Variants in PPP1R1C observed in about 807,000 individuals in gnomAD.
PPP1R1C encodes protein phosphatase 1 regulatory inhibitor subunit 1C.
A neutral mutation model predicts 17.4 loss-of-function variants in PPP1R1C; 15 were observed. The ratio of observed to expected loss-of-function variants is 0.86; its 90% CI spans 0.58 to 1.33. The LOEUF (loss-of-function observed/expected upper bound fraction) is 1.33. PPP1R1C is among the 40% of genes most tolerant of loss of function. PPP1R1C has a pLI of 0.00. For missense variants in PPP1R1C, 143 were observed against 130.0 expected, an observed-to-expected ratio of 1.10 and a Z score of -0.48; for synonymous variants, 35 against 43.1, an observed-to-expected ratio of 0.81 and a Z score of 0.73.
chr2:182,002,937 C>T (rs201320288), intron 2 of PPP1R1C, among the ~76,000 whole-genome samples: 1 of 137,848 alleles, frequency 7.3e-6, no homozygotes, highest in East Asian at 2.1e-4. Flanking sequence ...ACCTCCCCCC[C>T]CCCACAACCC....
intron 2 of PPP1R1C, among the ~76,000 whole-genome samples, chr2:182,039,070 A>T (rs1016675718): frequency 6.6e-6 from 1 of 152,150 alleles, no homozygotes; most frequent in African/African-American, 2.4e-5. Flanking sequence ...GTTCTTCCAC[A>T]CAATTCTAAA....
chr2:182,005,198 TA>T (rs1404668201), intron 2 of PPP1R1C, among the ~76,000 whole-genome samples: 1 of 151,558 alleles, frequency 6.6e-6, no homozygotes, highest in Non-Finnish European at 1.5e-5. Context: ...ATAACTATCT[TA>T]AAAACAATTA....
At chr2:182,126,399 A>G (rs1243775143) in intron 5 of PPP1R1C, among the ~76,000 whole-genome samples, 1 of 152,072 alleles carries the variant, frequency 6.6e-6, no homozygotes, top group East Asian at 1.9e-4. Context: ...GCATTAATTA[A>G]TAAGAAATGT....
Position 182,021,731 on chromosome 2 carries a change from T to C in PPP1R1C, c.142+33832T>C, listed in dbSNP as rs553186776. ...AAACTGCTCCTGAAAAGAAAAAGTA[T>C]CAGACAGAAAAGAGCTAAAGAGGTT... On this transcript the variant is annotated intron_variant, in intron 2 of 4. Transcript: ENST00000682840. Among the ~76,000 whole-genome samples the C allele has an allele frequency of 3.7e-4, 56 of 152,202 alleles. 1 individual carries two copies. The highest frequency in any genetic ancestry group is 1.3e-3 in the African/African-American group (53 of 41,538).
intron 2 of PPP1R1C, among the ~76,000 whole-genome samples, chr2:181,996,934 G>A (rs757552359): frequency 2.0e-4 from 31 of 152,144 alleles, no homozygotes; most frequent in Non-Finnish European, 4.4e-4. Context: ...CAGAGTATTA[G>A]AAGACATATA....
At chr2:182,123,433 C>T (rs1689787268) in intron 5 of PPP1R1C, among the ~76,000 whole-genome samples, 1 of 152,206 alleles carries the variant, frequency 6.6e-6, no homozygotes, top group Non-Finnish European at 1.5e-5. Context: ...TCCACACTGT[C>T]TTCCACAATG....
At chr2:182,058,188 C>T (rs1430485048) in intron 2 of PPP1R1C, among the ~76,000 whole-genome samples, 1 of 152,042 alleles carries the variant, frequency 6.6e-6, no homozygotes. Context: ...ATTGTCATGT[C>T]TCCTTAGGCT....
intron 2 of PPP1R1C, among the ~76,000 whole-genome samples, chr2:182,055,712 C>A (rs1363202897): frequency 6.6e-6 from 1 of 152,144 alleles, no homozygotes; most frequent in Non-Finnish European, 1.5e-5. Context: ...CTTCTGGCTT[C>A]ATGATTTCTC....
At chr2:182,017,416 A>T (rs1358822547) in intron 2 of PPP1R1C, among the ~76,000 whole-genome samples, 2 of 152,078 alleles carry the variant, frequency 1.3e-5, no homozygotes, top group African/African-American at 4.8e-5. Flanking sequence ...TATATAACTT[A>T]CTTCAAAAGT....
chr2:181,956,082 G>A (rs113087863), intron 1 of PPP1R1C, among the ~76,000 whole-genome samples: 3,615 of 152,062 alleles, frequency 0.024, 139 homozygotes, highest in African/African-American at 0.081. Context: ...TGGCGTGTGA[G>A]GTTCCCCTCC....
intron 4 of PPP1R1C, among the ~76,000 whole-genome samples, chr2:182,102,021 G>A (rs1010288647): frequency 6.6e-6 from 1 of 152,032 alleles, no homozygotes; most frequent in African/African-American, 2.4e-5. Flanking sequence ...TGACAAAATA[G>A]GATTGTAAAA....
intron 2 of PPP1R1C, among the ~76,000 whole-genome samples, chr2:182,021,391 G>T (rs987077834): frequency 7.6e-6 from 1 of 131,536 alleles, no homozygotes; most frequent in Non-Finnish European, 1.5e-5. Context: ...GCAGTGGCAC[G>T]ATCTCATCTC....
intron 2 of PPP1R1C, among the ~76,000 whole-genome samples, chr2:182,036,956 GA>G (rs909156881): frequency 2.0e-5 from 3 of 152,070 alleles, no homozygotes; most frequent in Admixed American, 2.0e-4. Flanking sequence ...ACACAAAGGT[GA>G]AAAAAGGAAC....
Position 181,962,779 on chromosome 2 carries a change from CTG to C in PPP1R1C, n.111+8148_111+8149del, listed in dbSNP as rs1327743221. Among the ~76,000 whole-genome samples, 1 of 152,172 alleles carries C rather than the reference CTG, an allele frequency of 6.6e-6. No homozygotes were observed. The highest frequency in any genetic ancestry group is 1.5e-5 in the Non-Finnish European group (1 of 68,028). On this transcript the variant is annotated intron_variant and non_coding_transcript_variant, in intron 1 of 5. Transcript: ENST00000464264. The surrounding 1 kb of genome is among the most constrained non-coding windows in gnomAD (Gnocchi z 6.0). ...CTAGGAGAGTCCCTTTTGTATGAGA[CTG>C]TGGCTGGAGATAAAGGAAAGCGGAG...
chr2:182,089,544 T>C (rs1688723405), intron 4 of PPP1R1C, among the ~76,000 whole-genome samples: 1 of 152,184 alleles, frequency 6.6e-6, no homozygotes, highest in African/African-American at 2.4e-5. Flanking sequence ...ATCATAATTG[T>C]TTATGGATTG....
intron 2 of PPP1R1C, among the ~76,000 whole-genome samples, chr2:182,036,719 G>GTA (rs1393203946): frequency 6.6e-6 from 1 of 151,604 alleles, no homozygotes; most frequent in Non-Finnish European, 1.5e-5. Context: ...GTGTGTGTGT[G>GTA]TATATATATA....
In PPP1R1C at chr2:182,039,054, CT is replaced by C. The variant is rs545244773; in HGVS notation, c.143-22385del. 3.3e-5 allele frequency among the ~76,000 whole-genome samples: 5 copies of C among 152,250 alleles called. No individual in the cohort carries two copies. The East Asian group carries it at 9.6e-4, about 29-fold the overall frequency. On this transcript the variant is annotated intron_variant, in intron 2 of 4. Coordinates refer to ENST00000682840, the MANE Select transcript of PPP1R1C (RefSeq NM_001080545.3). ...TGAGTACGAGTTTGGAGTAGATGTT[CT>C]TTATGTTCTTCCACACAATTCTAAA...
At chr2:182,011,354 G>A (rs1206561077) in intron 2 of PPP1R1C, among the ~76,000 whole-genome samples, 1 of 152,010 alleles carries the variant, frequency 6.6e-6, no homozygotes, top group Non-Finnish European at 1.5e-5. Flanking sequence ...TAGGTTGTAT[G>A]TGTCTAGGAA....
intron 2 of PPP1R1C, among the ~76,000 whole-genome samples, chr2:181,997,211 A>G (rs1208309275): frequency 6.7e-6 from 1 of 149,394 alleles, no homozygotes; most frequent in Non-Finnish European, 1.5e-5. Flanking sequence ...CCTGGGCGAC[A>G]GAGCAAGACT....
Sources: gnomAD v4.1 joint callset for allele counts (sites outside exome capture counted in the v4.1 genomes callset) on GRCh38, gnomAD v4.1.1 for gene constraint, Gnocchi (gnomAD v3.1) non-coding constraint, MANE v1.5 for transcripts, NCBI Gene and HGNC (gene_info 2026-07-23, HGNC 2026-07-21) for gene names.